RGPD2: variants seen among roughly 807,000 people sequenced by gnomAD.
RGPD2 encodes RANBP2-like and GRIP domain-containing protein 2.
Under a neutral mutation model 36.0 loss-of-function variants are expected in RGPD2, and 2 were observed. That is an observed-to-expected ratio of 0.06 (90% CI 0.02 to 0.17). The LOEUF (loss-of-function observed/expected upper bound fraction) is 0.17. RGPD2 is among the 10% of genes least tolerant of loss of function. The pLI is 1.00. For missense variants in RGPD2, 40 were observed against 464.3 expected (o/e 0.09, Z 8.40); for synonymous variants, 19 against 163.8 (o/e 0.12, Z 6.75).
the RGPD2 span, among the ~76,000 whole-genome samples, chr2:87,886,222 G>A: frequency 1.3e-5 from 2 of 151,674 alleles, no homozygotes; most frequent in Middle Eastern, 3.2e-3. Flanking sequence ...GCCTGGAACA[G>A]TCTTCTCCCA....
chr2:87,965,204 A>AT, the RGPD2 span, among the ~76,000 whole-genome samples: 1 of 139,628 alleles, frequency 7.2e-6, no homozygotes, highest in Non-Finnish European at 1.6e-5. Flanking sequence ...GATGAGTATC[A>AT]ATAGTCTCCA....
chr2:87,966,509 T>C, the RGPD2 span, among the ~76,000 whole-genome samples: 66 of 150,232 alleles, frequency 4.4e-4, no homozygotes, highest in African/African-American at 1.6e-3. Context: ...AACATTCATA[T>C]CCTGTCTCAG....
chr2:87,860,339 T>C, the RGPD2 span, among the ~76,000 whole-genome samples: 1 of 151,868 alleles, frequency 6.6e-6, no homozygotes, highest in African/African-American at 2.4e-5. Flanking sequence ...TAAATATCTC[T>C]GGAGCTTCTT....
the RGPD2 span, among the ~76,000 whole-genome samples, chr2:87,941,039 A>G: frequency 3.3e-5 from 5 of 152,064 alleles, no homozygotes; most frequent in South Asian, 2.1e-4. Flanking sequence ...CAAACGGACA[A>G]GTAGAACAGA....
At chr2:87,964,192 T>C in the RGPD2 span, among the ~76,000 whole-genome samples, 1 of 152,286 alleles carries the variant, frequency 6.6e-6, no homozygotes, top group Non-Finnish European at 1.5e-5. Flanking sequence ...GGATAAGCAG[T>C]TCATATTTCT....
At chr2:87,832,106 TATA>T in the RGPD2 span, among the ~76,000 whole-genome samples, 1 of 147,690 alleles carries the variant, frequency 6.8e-6, no homozygotes, top group African/African-American at 2.5e-5. Context: ...AATGGTTGAT[TATA>T]ATAACTAGGA....
At chr2:87,963,735 C>A in the RGPD2 span, among the ~76,000 whole-genome samples, 1 of 118,568 alleles carries the variant, frequency 8.4e-6, no homozygotes, top group Non-Finnish European at 1.6e-5. Context: ...AGCAACTTGC[C>A]CAAACACACT....
the RGPD2 span, among the ~76,000 whole-genome samples, chr2:87,963,096 G>A: frequency 2.0e-5 from 3 of 149,024 alleles, no homozygotes; most frequent in African/African-American, 7.3e-5. Flanking sequence ...CAGCCTGGGT[G>A]ACAGAGCAGA....
chr2:87,986,584 TAA>T, the RGPD2 span, among the ~76,000 whole-genome samples: 1 of 151,886 alleles, frequency 6.6e-6, no homozygotes, highest in East Asian at 1.9e-4. Flanking sequence ...GGTGACAAAT[TAA>T]AAGTCACTAT....
chr2:87,809,824 C>T (rs1471082995), intron 6 of RGPD2, among the ~76,000 whole-genome samples: 9 of 146,956 alleles, frequency 6.1e-5, no homozygotes, highest in Non-Finnish European at 1.4e-4. Flanking sequence ...GAGCCTCCCC[C>T]TCTGAGGGCC....
chr2:87,825,012 C>T (rs1686640069), intron 1 of RGPD2: 2 of 392,900 alleles, frequency 5.1e-6, no homozygotes, highest in Admixed American at 4.4e-5. Flanking sequence ...TTCCTCATCA[C>T]TCAGCTAAAA....
chr2:87,855,060 CTT>C, the RGPD2 span, among the ~76,000 whole-genome samples: 23 of 152,116 alleles, frequency 1.5e-4, no homozygotes, highest in East Asian at 1.9e-4. Flanking sequence ...TCTACTCTCT[CTT>C]AGCAAATTTC....
the RGPD2 span, among the ~76,000 whole-genome samples, chr2:87,915,736 T>A: frequency 6.8e-6 from 1 of 147,876 alleles, no homozygotes; most frequent in African/African-American, 2.5e-5. Context: ...ACTTGTTCTA[T>A]CGAGATCCCC....
At chr2:87,985,306 T>C in the RGPD2 span, among the ~76,000 whole-genome samples, 1 of 151,190 alleles carries the variant, frequency 6.6e-6, no homozygotes, top group South Asian at 2.1e-4. Flanking sequence ...GCAATATGTG[T>C]GTAAAAAGAC....
At chr2:87,924,485 C>G in the RGPD2 span, among the ~76,000 whole-genome samples, 1 of 152,078 alleles carries the variant, frequency 6.6e-6, no homozygotes, top group Admixed American at 6.6e-5. Context: ...AGCTGGGTAT[C>G]AAGCAATGAT....
the RGPD2 span, among the ~76,000 whole-genome samples, chr2:87,930,704 T>C: frequency 1.4e-4 from 21 of 151,152 alleles, no homozygotes; most frequent in Non-Finnish European, 2.4e-4. Flanking sequence ...TGGGCTTTTT[T>C]GGGTTGGTAG....
the RGPD2 span, among the ~76,000 whole-genome samples, chr2:87,871,865 C>CAAAAAA: frequency 2.3e-5 from 3 of 133,038 alleles, no homozygotes; most frequent in South Asian, 2.5e-4. Flanking sequence ...AACTCTGTCT[C>CAAAAAA]AAAAAAAAAA....
At chr2:87,961,905 C>T in the RGPD2 span, among the ~76,000 whole-genome samples, 6 of 145,302 alleles carry the variant, frequency 4.1e-5, no homozygotes, top group South Asian at 4.4e-4. Context: ...CACAGTGGCT[C>T]AAGCCGGTAG....
At chr2:87,964,596 C>CG in the RGPD2 span, among the ~76,000 whole-genome samples, 6 of 151,824 alleles carry the variant, frequency 4.0e-5, no homozygotes, top group South Asian at 1.0e-3. Context: ...TACAGTGGCA[C>CG]GATCTCAGCT....
Sources: gnomAD v4.1 joint callset for allele counts (sites outside exome capture counted in the v4.1 genomes callset) on GRCh38, gnomAD v4.1.1 for gene constraint, MANE v1.5 for transcripts, NCBI Gene and HGNC (gene_info 2026-07-23, HGNC 2026-07-21) for gene names.